The following TUSC3 variants were observed in gnomAD, a reference collection of about 807,000 sequenced individuals.
TUSC3 encodes dolichyl-diphosphooligosaccharide--protein glycosyltransferase subunit TUSC3.
A neutral mutation model predicts 44.8 loss-of-function variants in TUSC3; 45 were observed. That is an observed-to-expected ratio of 1.00 (90% CI 0.79 to 1.29). TUSC3 has a LOEUF of 1.29. Ranked by LOEUF, TUSC3 falls within the 50% of genes most tolerant of loss-of-function variation. The probability of loss-of-function intolerance (pLI) is 0.00; values close to 1 mark genes in which losing one functional copy is unlikely to be tolerated. For synonymous variants in TUSC3, 212 were observed against 152.9 expected, an observed-to-expected ratio of 1.39 and a Z score of -2.85; for missense variants, 519 against 437.9, an observed-to-expected ratio of 1.19 and a Z score of -1.65.
chr8:15,689,867 A>AATATATAT (rs3988418), intron 6 of TUSC3, among the ~76,000 whole-genome samples: 103 of 142,988 alleles, frequency 7.2e-4, no homozygotes, highest in African/African-American at 1.2e-3. Context: ...TGTGTGTATA[A>AATATATAT]ATATATATAT....
At chr8:15,742,648 T>TAGAA (rs2129214077) in intron 7 of TUSC3, among the ~76,000 whole-genome samples, 1 of 152,308 alleles carries the variant, frequency 6.6e-6, no homozygotes, top group East Asian at 1.9e-4. Context: ...CAAATAGCAG[T>TAGAA]AGAAAGAAAC....
chr8:15,515,468 C>T (rs1322902695), intron 2 of TUSC3, among the ~76,000 whole-genome samples: 1 of 152,082 alleles, frequency 6.6e-6, no homozygotes, highest in Non-Finnish European at 1.5e-5. Flanking sequence ...AACAGTCATT[C>T]AGCATCTTTC....
intron 3 of TUSC3, among the ~76,000 whole-genome samples, chr8:15,657,060 T>G (rs1001732375): frequency 6.6e-6 from 1 of 152,152 alleles, no homozygotes; most frequent in Non-Finnish European, 1.5e-5. Flanking sequence ...CCCCAGGTTT[T>G]CCCCCAAAGA....
At chr8:15,527,233 T>G (rs1157356254) in intron 2 of TUSC3, among the ~76,000 whole-genome samples, 1 of 152,166 alleles carries the variant, frequency 6.6e-6, no homozygotes, top group Non-Finnish European at 1.5e-5. Context: ...TTTATTTATT[T>G]AGAGACAGAG....
At position 15,466,263 on chromosome 8, in the gene TUSC3, C is replaced by T. The variant is rs1294487069; in HGVS notation, n.92-17123C>T. Reference sequence around the variant, plus strand: ...AACAATTTCAATACATCTAAGAATTCTACATCAAGAGGAAATCACTGGAAA... The same window carrying T: ...AACAATTTCAATACATCTAAGAATTTTACATCAAGAGGAAATCACTGGAAA... On this transcript the variant is annotated intron_variant and non_coding_transcript_variant, in intron 1 of 5. Coordinates refer to the TUSC3 transcript ENST00000503191. Among the ~76,000 whole-genome samples the T allele has an allele frequency of 2.0e-5, 3 of 152,136 alleles. No homozygotes were observed. In the East Asian group the frequency reaches 5.8e-4, roughly 29 times the overall value.
chr8:15,582,175 G>C (rs563330761), intron 1 of TUSC3, among the ~76,000 whole-genome samples: 15 of 152,332 alleles, frequency 9.8e-5, no homozygotes, highest in African/African-American at 3.6e-4. Flanking sequence ...GCTCGCGCAT[G>C]GTGCGCGCAC....
the TUSC3 span, among the ~76,000 whole-genome samples, chr8:15,839,231 T>C: frequency 6.6e-6 from 1 of 152,214 alleles, no homozygotes; most frequent in Non-Finnish European, 1.5e-5. Flanking sequence ...TTTGGTGAAG[T>C]TCCTTATCAG....
chr8:15,542,490 C>A (rs948504097), intron 1 of TUSC3, among the ~76,000 whole-genome samples: 1 of 151,700 alleles, frequency 6.6e-6, no homozygotes, highest in South Asian at 2.1e-4. Flanking sequence ...GATATGCCCT[C>A]GGTGGAGAAG....
At chr8:15,552,519 G>C (rs1362085445) in intron 1 of TUSC3, among the ~76,000 whole-genome samples, 1 of 151,726 alleles carries the variant, frequency 6.6e-6, no homozygotes, top group Non-Finnish European at 1.5e-5. Context: ...AAACTAAAGA[G>C]CTAATCATAG....
At chr8:15,670,636 TAAAAC>T (rs1031524311) in intron 5 of TUSC3, among the ~76,000 whole-genome samples, 5 of 151,888 alleles carry the variant, frequency 3.3e-5, no homozygotes, top group East Asian at 1.9e-4. Flanking sequence ...AAAGATTTCT[TAAAAC>T]AGAACATAAG....
intron 1 of TUSC3, among the ~76,000 whole-genome samples, chr8:15,615,924 T>G (rs995326517): frequency 6.6e-6 from 1 of 152,206 alleles, no homozygotes; most frequent in Non-Finnish European, 1.5e-5. Flanking sequence ...CTTGAACTTG[T>G]GGACTCAAGT....
chr8:15,528,060 G>C (rs1247166592), intron 2 of TUSC3, among the ~76,000 whole-genome samples: 1 of 152,098 alleles, frequency 6.6e-6, no homozygotes, highest in Non-Finnish European at 1.5e-5. Flanking sequence ...CCCTGAAATA[G>C]ATGATGAACT....
chr8:15,779,098 CTTT>C, the TUSC3 span, among the ~76,000 whole-genome samples: 179 of 111,816 alleles, frequency 1.6e-3, no homozygotes, highest in South Asian at 2.4e-3. Flanking sequence ...CGAATGTTTT[CTTT>C]TTTTTTTTTT....
chr8:15,484,305 T>G (rs1171200206), intron 2 of TUSC3, among the ~76,000 whole-genome samples: 2 of 152,216 alleles, frequency 1.3e-5, no homozygotes, highest in Non-Finnish European at 2.9e-5. Context: ...CCAGGAAGCC[T>G]TGTGTTATCA....
At chr8:15,655,081 A>AG (rs1807093694) in intron 3 of TUSC3, among the ~76,000 whole-genome samples, 1 of 152,208 alleles carries the variant, frequency 6.6e-6, no homozygotes, top group Non-Finnish European at 1.5e-5. Flanking sequence ...TGAGCAGGGC[A>AG]GGAGAGGGTC....
chr8:15,840,739 A>C, the TUSC3 span, among the ~76,000 whole-genome samples: 398 of 152,314 alleles, frequency 2.6e-3, 2 homozygotes, highest in African/African-American at 8.6e-3. Flanking sequence ...CATTGTGCTT[A>C]TAATTTTTAT....
At chr8:15,822,858 C>T in the TUSC3 span, among the ~76,000 whole-genome samples, 6 of 152,206 alleles carry the variant, frequency 3.9e-5, no homozygotes, top group African/African-American at 1.4e-4. Flanking sequence ...GTGACCTTCG[C>T]AGTATCAGTT....
At chr8:15,777,484 AACATATAATTCAAATTTTCACTG>A in the TUSC3 span, among the ~76,000 whole-genome samples, 2 of 152,222 alleles carry the variant, frequency 1.3e-5, no homozygotes, top group African/African-American at 4.8e-5. Flanking sequence ...TACACACATG[AACATATAATTCAAATTTTCACTG>A]TGCTATATTT....
At chr8:15,591,387 A>G (rs1284288483) in intron 1 of TUSC3, among the ~76,000 whole-genome samples, 2 of 152,250 alleles carry the variant, frequency 1.3e-5, no homozygotes, top group South Asian at 4.1e-4. Flanking sequence ...AGGTTTTTGG[A>G]CAAAGTTTAA....
Sources: gnomAD v4.1 joint callset for allele counts (sites outside exome capture counted in the v4.1 genomes callset) on GRCh38, gnomAD v4.1.1 for gene constraint, MANE v1.5 for transcripts, NCBI Gene and HGNC (gene_info 2026-07-23, HGNC 2026-07-21) for gene names.